The following SLC16A9 variants were observed in gnomAD, a reference collection of about 807,000 sequenced individuals.
SLC16A9 encodes the protein monocarboxylate transporter 9.
In SLC16A9, 26 loss-of-function variants were observed where a neutral mutation model predicts 44.3. The observed-to-expected ratio is 0.59, with a 90% CI of 0.43 to 0.81. The LOEUF (loss-of-function observed/expected upper bound fraction) is 0.81, where lower values mean the gene tolerates loss of function less well. SLC16A9 is among the 40% of genes least tolerant of loss of function. The pLI is 0.00. For synonymous variants in SLC16A9, 230 were observed against 225.1 expected (o/e 1.02, Z -0.19); for missense variants, 559 against 595.8 (o/e 0.94, Z 0.64).
intron 1 of SLC16A9, among the ~76,000 whole-genome samples, chr10:59,697,569 T>C (rs1301843947): frequency 1.3e-5 from 2 of 149,654 alleles, no homozygotes; most frequent in South Asian, 4.2e-4. Flanking sequence ...CTCCCTAATC[T>C]CAAGTACCCA....
intron 1 of SLC16A9, among the ~76,000 whole-genome samples, chr10:59,702,786 T>G (rs1840552844): frequency 6.6e-6 from 1 of 152,210 alleles, no homozygotes; most frequent in African/African-American, 2.4e-5. Flanking sequence ...TTTAAAAAAA[T>G]CGAAATTGCC....
At chr10:59,652,974 G>GT (rs764790498) in intron 5 of SLC16A9, 24 bp from the exon 6 acceptor site, 9 of 1,584,722 alleles carry the variant, frequency 5.7e-6, no homozygotes, top group Non-Finnish European at 7.7e-6. Flanking sequence ...AAGAAAAAAA[G>GT]TAAGTTTCAT....
chr10:59,681,590 A>G (rs201626922), intron 2 of SLC16A9, among the ~76,000 whole-genome samples: 1 of 5,894 alleles, frequency 1.7e-4, no homozygotes. Context: ...ATGTGTATGT[A>G]TATGTATATG....
rs190932858 is a variant in SLC16A9 at position 59,691,010 on chromosome 10, G to A, written c.-36-6683C>T. Among the ~76,000 whole-genome samples the A allele has an allele frequency of 1.1e-3, 164 of 152,254 alleles. 2 individuals carry two copies. The East Asian group carries it at 0.026, about 24-fold the overall frequency. ...TGAGGCTGGAGAATCGCTTGAACCCGGGAGGCAGAGGTTGCAGTGAGCTGA... is the reference window on the plus strand; with the variant it reads ...TGAGGCTGGAGAATCGCTTGAACCCAGGAGGCAGAGGTTGCAGTGAGCTGA... On this transcript the variant is annotated intron_variant, in intron 1 of 5. Transcript: ENST00000395348.
At chr10:59,668,830 T>C (rs1839682845) in intron 3 of SLC16A9, among the ~76,000 whole-genome samples, 1 of 152,226 alleles carries the variant, frequency 6.6e-6, no homozygotes, top group Admixed American at 6.5e-5. Flanking sequence ...TACACCTGCA[T>C]ATCCATGACA....
intron 2 of SLC16A9, among the ~76,000 whole-genome samples, chr10:59,679,305 T>C (rs1406780221): frequency 1.3e-5 from 2 of 152,198 alleles, no homozygotes; most frequent in Non-Finnish European, 2.9e-5. Context: ...CCTTCCATTC[T>C]TCCCATATCA....
intron 2 of SLC16A9, among the ~76,000 whole-genome samples, chr10:59,675,315 T>A (rs568371376): frequency 1.3e-5 from 2 of 152,266 alleles, no homozygotes; most frequent in African/African-American, 4.8e-5. Context: ...GAGAAATAGT[T>A]CAATTGGGAT....
At chr10:59,657,772 A>T (rs1309587949) in intron 4 of SLC16A9, among the ~76,000 whole-genome samples, 3 of 152,182 alleles carry the variant, frequency 2.0e-5, no homozygotes, top group Non-Finnish European at 4.4e-5. Context: ...CATCCCTTTC[A>T]TATGTCCAAT....
At chr10:59,681,588 G>A (rs61863074) in intron 2 of SLC16A9, among the ~76,000 whole-genome samples, 78 of 5,024 alleles carry the variant, frequency 0.016, 8 homozygotes, top group Non-Finnish European at 0.14. Flanking sequence ...GTATGTGTAT[G>A]TATATGTATA....
At chr10:59,678,130 G>T (rs1230766598) in intron 2 of SLC16A9, among the ~76,000 whole-genome samples, 1 of 148,896 alleles carries the variant, frequency 6.7e-6, no homozygotes, top group African/African-American at 2.5e-5. Flanking sequence ...CCCAGGAGTA[G>T]AAGGATGGCC....
At chr10:59,693,703 T>C (rs1286266931) in intron 1 of SLC16A9, among the ~76,000 whole-genome samples, 2 of 151,764 alleles carry the variant, frequency 1.3e-5, no homozygotes, top group East Asian at 3.9e-4. Context: ...CACCGTAAGC[T>C]CCGCCTCCCA....
intron 3 of SLC16A9, among the ~76,000 whole-genome samples, chr10:59,666,292 C>G (rs1401974889): frequency 7.2e-6 from 1 of 139,040 alleles, no homozygotes; most frequent in Admixed American, 7.4e-5. Flanking sequence ...GAGCGAGACT[C>G]TGTCTCAAAA....
At chr10:59,682,315 G>A (rs1041860064) in intron 2 of SLC16A9, among the ~76,000 whole-genome samples, 1 of 152,148 alleles carries the variant, frequency 6.6e-6, no homozygotes, top group African/African-American at 2.4e-5. Context: ...AATTTGCTCT[G>A]CTGTCACTAA....
intron 4 of SLC16A9, among the ~76,000 whole-genome samples, chr10:59,658,900 T>C (rs117073997): frequency 0.012 from 1,829 of 152,268 alleles, 14 homozygotes; most frequent in Non-Finnish European, 0.02. Flanking sequence ...AAAATATTAG[T>C]TTGGATCCTG....
chr10:59,664,466 A>G, intron 3 of SLC16A9, 144 bp from the exon 4 acceptor site: 1 of 475,250 alleles, frequency 2.1e-6, no homozygotes, highest in Non-Finnish European at 3.8e-6. Flanking sequence ...GATTCCTTCC[A>G]TGTGTGTAGC....
At chr10:59,695,357 C>A (rs1055776542) in intron 1 of SLC16A9, among the ~76,000 whole-genome samples, 1 of 151,988 alleles carries the variant, frequency 6.6e-6, no homozygotes, top group African/African-American at 2.4e-5. Context: ...TTAATGTAAA[C>A]CCTATGTGAA....
At chr10:59,662,300 AC>A (rs1344545073) in intron 4 of SLC16A9, among the ~76,000 whole-genome samples, 4 of 150,516 alleles carry the variant, frequency 2.7e-5, no homozygotes, top group East Asian at 2.0e-4. Flanking sequence ...AAAAAAAAAA[AC>A]CCATCAAAAA....
chr10:59,660,806 C>T (rs939530342), intron 4 of SLC16A9, among the ~76,000 whole-genome samples: 14 of 152,126 alleles, frequency 9.2e-5, no homozygotes, highest in African/African-American at 2.7e-4. Flanking sequence ...TTATCCACCA[C>T]GATCAAGTTG....
intron 1 of SLC16A9, among the ~76,000 whole-genome samples, chr10:59,702,867 T>C (rs1840555127): frequency 6.6e-6 from 1 of 152,194 alleles, no homozygotes; most frequent in Non-Finnish European, 1.5e-5. Flanking sequence ...CCCAGATAGC[T>C]CTGTTAAGGA....
Sources: allele counts gnomAD v4.1 joint callset (sites outside exome capture counted in the v4.1 genomes callset), GRCh38; gene constraint gnomAD v4.1.1; transcripts MANE v1.5; gene names NCBI Gene and HGNC (gene_info 2026-07-23, HGNC 2026-07-21).